Variants in SLC9A2 observed in about 807,000 individuals in gnomAD.
The protein encoded by SLC9A2 is solute carrier family 9 member A2, also known as sodium/hydrogen exchanger 2.
Under a neutral mutation model 71.7 loss-of-function variants are expected in SLC9A2, and 42 were observed. The observed-to-expected ratio is 0.59, with a 90% confidence interval of 0.46 to 0.76. The LOEUF is 0.76. Ranked by LOEUF, SLC9A2 falls within the 30% of genes least tolerant of loss-of-function variation. The pLI is 0.00. For missense variants in SLC9A2, 829 were observed against 1,017.4 expected (o/e 0.81, Z 2.52); for synonymous variants, 396 against 392.5 (o/e 1.01, Z -0.10).
rs1676909353 is a variant in SLC9A2 at position 102,654,957 on chromosome 2, A to G, written c.290-2607A>G. Reference sequence around the variant, plus strand: ...TAGTATAAAGGATTAAAAGTGGTATACCTGTATAAGGCACTTACTATAATG... The same window carrying G: ...TAGTATAAAGGATTAAAAGTGGTATGCCTGTATAAGGCACTTACTATAATG... On this transcript the variant is annotated intron_variant, in intron 1 of 11. Transcript: ENST00000233969. Among the ~76,000 whole-genome samples, 3 of 152,326 alleles carry G rather than the reference A, an allele frequency of 2.0e-5. No homozygotes were observed. In the South Asian group the frequency reaches 6.2e-4, roughly 32 times the overall value.
At chr2:102,672,461 A>T (rs1037268211) in intron 3 of SLC9A2, among the ~76,000 whole-genome samples, 1 of 152,190 alleles carries the variant, frequency 6.6e-6, no homozygotes, top group Non-Finnish European at 1.5e-5. Flanking sequence ...AAAATAAGTC[A>T]TGAAAAGATG....
chr2:102,631,993 GGGATATATAT>G (rs1676364203), intron 1 of SLC9A2, among the ~76,000 whole-genome samples: 1 of 74,470 alleles, frequency 1.3e-5, no homozygotes, highest in African/African-American at 8.0e-5. Context: ...AATGAAAGTG[GGGATATATAT>G]ATATATATAT....
At chr2:102,633,877 GA>G (rs1676419965) in intron 1 of SLC9A2, among the ~76,000 whole-genome samples, 1 of 152,170 alleles carries the variant, frequency 6.6e-6, no homozygotes, top group Admixed American at 6.5e-5. Context: ...ATTTACAGGA[GA>G]AAAGATGTTA....
chr2:102,684,089 T>G, intron 4 of SLC9A2, 45 bp from the exon 5 acceptor site: 1 of 1,387,652 alleles, frequency 7.2e-7, no homozygotes, highest in Non-Finnish European at 1.0e-6. Context: ...TTTCATATTT[T>G]GGCCTCACCC....
At chr2:102,663,535 G>C (rs759019309) in intron 2 of SLC9A2, among the ~76,000 whole-genome samples, 12 of 152,200 alleles carry the variant, frequency 7.9e-5, no homozygotes, top group African/African-American at 2.9e-4. Flanking sequence ...TTGCCAGGCC[G>C]CACACTGCTT....
chr2:102,707,445 A>G (rs1678003688), intron 11 of SLC9A2, among the ~76,000 whole-genome samples: 1 of 152,098 alleles, frequency 6.6e-6, no homozygotes, highest in Admixed American at 6.5e-5. Context: ...CCGTGGTCCC[A>G]CCAGCAAACA....
intron 1 of SLC9A2, among the ~76,000 whole-genome samples, chr2:102,631,990 G>A (rs1474001984): frequency 1.7e-5 from 2 of 115,842 alleles, no homozygotes; most frequent in Non-Finnish European, 3.4e-5. Flanking sequence ...ATTAATGAAA[G>A]TGGGGATATA....
intron 1 of SLC9A2, among the ~76,000 whole-genome samples, chr2:102,631,080 G>A (rs2104499957): frequency 6.6e-6 from 1 of 152,096 alleles, no homozygotes; most frequent in Non-Finnish European, 1.5e-5. Flanking sequence ...TGTGCTTCTT[G>A]CTGGGACCTA....
At chr2:102,673,724 T>C (rs1303213931) in intron 3 of SLC9A2, among the ~76,000 whole-genome samples, 5 of 152,170 alleles carry the variant, frequency 3.3e-5, no homozygotes, top group Admixed American at 6.5e-5. Flanking sequence ...TTTCTGGTAA[T>C]GTGTAGGCCA....
rs750491849 is a variant in SLC9A2 at position 102,665,234 on chromosome 2, G to A, written c.888G>A (p.Ala296=). 3.4e-5 allele frequency: 55 copies of A among 1,613,922 alleles called. No individual in the cohort carries two copies. Among genetic ancestry groups the A allele is most frequent in the Non-Finnish European group, 3.7e-5 (44 of 1,180,016 alleles). Residue 296 remains alanine (A), a synonymous_variant, in exon 3 of 12, where the codon GCG becomes GCA. Transcript: ENST00000233969. Reference sequence around the variant, plus strand: ...TTGGCATCTTCTTGGGCTTTATAGCGGCATTTACTACTCGATTCACCCATA... The same window carrying A: ...TTGGCATCTTCTTGGGCTTTATAGCAGCATTTACTACTCGATTCACCCATA... ...VLIGIFLGFI[A]AFTTRFTHNI...
chr2:102,659,563 T>C (rs1184312803), intron 2 of SLC9A2, among the ~76,000 whole-genome samples: 1 of 152,200 alleles, frequency 6.6e-6, no homozygotes, highest in Non-Finnish European at 1.5e-5. Flanking sequence ...AGGACATCCA[T>C]TAACTTCATG....
chr2:102,687,722 G>T (rs1417885092), intron 5 of SLC9A2, among the ~76,000 whole-genome samples: 2 of 152,050 alleles, frequency 1.3e-5, no homozygotes, highest in Middle Eastern at 3.2e-3. Context: ...TTCTTAGCAA[G>T]CGATGTAGTC....
At chr2:102,668,647 A>C (rs1677188949) in intron 3 of SLC9A2, among the ~76,000 whole-genome samples, 1 of 152,210 alleles carries the variant, frequency 6.6e-6, no homozygotes, top group Non-Finnish European at 1.5e-5. Context: ...TTGTTTTCTT[A>C]AGAGAAATGG....
At chr2:102,667,029 T>C (rs1677153489) in intron 3 of SLC9A2, among the ~76,000 whole-genome samples, 5 of 152,190 alleles carry the variant, frequency 3.3e-5, no homozygotes, top group Admixed American at 3.3e-4. Flanking sequence ...ATGAGGTTTG[T>C]GGTGGAGGAA....
intron 1 of SLC9A2, among the ~76,000 whole-genome samples, chr2:102,637,537 C>A (rs896379104): frequency 6.6e-6 from 1 of 152,124 alleles, no homozygotes; most frequent in East Asian, 1.9e-4. Context: ...TGAGTCAAAT[C>A]CTGCGCCCAA....
rs1257344491 is a variant in SLC9A2 at position 102,684,259 on chromosome 2, C to T, written c.1348C>T (p.Pro450Ser). The change falls in exon 5 of 12, where the codon CCT becomes TCT. Residue 450 changes from proline (P) to serine (S), a missense_variant. This residue lies in a region of SLC9A2 where 500 missense variants were observed against 726.3 expected (regional missense o/e 0.69). Transcript: ENST00000233969. ...CTGTTTTGCGTTAGTGTTTCTCCTTCCTGCTGCTGTGTTTCCTCGGAAAAA... is the reference window on the plus strand; with the variant it reads ...CTGTTTTGCGTTAGTGTTTCTCCTTTCTGCTGCTGTGTTTCCTCGGAAAAA... ...AICFALVFLL[P>S]AAVFPRKKLF... 6.2e-7 allele frequency: 1 copy of T among 1,614,170 alleles called. No homozygotes were observed.
chr2:102,684,743 G>A (rs961502813), intron 5 of SLC9A2, among the ~76,000 whole-genome samples: 4 of 152,214 alleles, frequency 2.6e-5, no homozygotes, highest in Non-Finnish European at 4.4e-5. Context: ...ATGAATGCAC[G>A]TTTAATATTG....
chr2:102,659,538 A>T (rs561978493), intron 2 of SLC9A2, among the ~76,000 whole-genome samples: 2 of 152,316 alleles, frequency 1.3e-5, no homozygotes, highest in East Asian at 3.9e-4. Flanking sequence ...CAGAATGAAT[A>T]AAATGTCATC....
chr2:102,659,031 C>T (rs149035265), intron 2 of SLC9A2, among the ~76,000 whole-genome samples: 16 of 152,186 alleles, frequency 1.1e-4, no homozygotes, highest in South Asian at 6.2e-4. Flanking sequence ...ATAAGAAAAG[C>T]GAGGCAGAAA....
Sources: gnomAD v4.1 joint callset for allele counts (sites outside exome capture counted in the v4.1 genomes callset) on GRCh38, gnomAD v4.1.1 for gene constraint, gnomAD v4.1.1 regional missense constraint, MANE v1.5 for transcripts, NCBI Gene and HGNC (gene_info 2026-07-23, HGNC 2026-07-21) for gene names.